Variants in BLTP1 observed in about 807,000 individuals in gnomAD.
The protein encoded by BLTP1 is bridge-like lipid transfer protein family member 1.
the BLTP1 span, among the ~76,000 whole-genome samples, chr4:122,173,459 C>G: frequency 6.6e-6 from 1 of 152,144 alleles, no homozygotes; most frequent in Non-Finnish European, 1.5e-5. Flanking sequence ...ACATCATGGC[C>G]TCATTTAATC....
At chr4:122,195,949 CATT>C in the BLTP1 span, among the ~76,000 whole-genome samples, 70 of 152,176 alleles carry the variant, frequency 4.6e-4, no homozygotes, top group Non-Finnish European at 9.0e-4. Flanking sequence ...GTATGAGTAA[CATT>C]ATACAATACT....
chr4:122,166,748 C>A, the BLTP1 span, among the ~76,000 whole-genome samples: 9 of 152,118 alleles, frequency 5.9e-5, no homozygotes, highest in South Asian at 1.3e-3. Flanking sequence ...CTTTTATTTC[C>A]TTGAGCAGTG....
chr4:122,244,553 ATAT>A, the BLTP1 span: 8 of 391,716 alleles, frequency 2.0e-5, no homozygotes, highest in African/African-American at 4.4e-5. Context: ...ATAATATTAC[ATAT>A]TATTATATAA....
the BLTP1 span, chr4:122,192,175 T>A: frequency 6.3e-7 from 1 of 1,578,374 alleles, no homozygotes. Flanking sequence ...CTAAGGAAAC[T>A]TTTTAATGGC....
the BLTP1 span, among the ~76,000 whole-genome samples, chr4:122,193,889 G>C: frequency 6.6e-6 from 1 of 151,854 alleles, no homozygotes; most frequent in Admixed American, 6.6e-5. Context: ...TTGAGACGGA[G>C]TCTCGCTCTG....
the BLTP1 span, chr4:122,362,662 C>A: frequency 6.1e-6 from 1 of 162,638 alleles, no homozygotes; most frequent in African/African-American, 2.4e-5. Context: ...TATATAAATA[C>A]CTGTTTGTAT....
At chr4:122,224,569 C>G in the BLTP1 span, 1 of 1,613,658 alleles carries the variant, frequency 6.2e-7, no homozygotes, top group African/African-American at 1.3e-5. Context: ...TGAGAGCACA[C>G]GCTATGTTCT....
At chr4:122,244,128 T>C in the BLTP1 span, 9,498 of 1,289,116 alleles carry the variant, frequency 7.4e-3, 66 homozygotes, top group South Asian at 0.029. Flanking sequence ...TTGTTGATAG[T>C]TATAAGTATA....
At chr4:122,238,186 AT>A in the BLTP1 span, 3 of 1,614,056 alleles carry the variant, frequency 1.9e-6, no homozygotes, top group Non-Finnish European at 2.5e-6. Context: ...TTCAAGTACC[AT>A]TACGATCTCA....
chr4:122,328,714 G>C, the BLTP1 span: 4 of 983,654 alleles, frequency 4.1e-6, no homozygotes, highest in Non-Finnish European at 4.8e-6. Context: ...AATAGTGAAG[G>C]CTAGTTAAGA....
the BLTP1 span, chr4:122,362,219 A>G: frequency 1.2e-6 from 2 of 1,613,190 alleles, no homozygotes; most frequent in South Asian, 2.2e-5. Context: ...GAAAAGGAAA[A>G]GAAAGGCAAA....
chr4:122,310,153 T>C, the BLTP1 span, among the ~76,000 whole-genome samples: 1 of 152,088 alleles, frequency 6.6e-6, no homozygotes, highest in Non-Finnish European at 1.5e-5. Context: ...TAGAAAGCGG[T>C]AGCCCATTGT....
chr4:122,191,461 G>C, the BLTP1 span, among the ~76,000 whole-genome samples: 2 of 152,084 alleles, frequency 1.3e-5, no homozygotes, highest in African/African-American at 4.8e-5. Flanking sequence ...GTTTTTAAAT[G>C]TTTAATAATG....
At chr4:122,210,397 C>T in the BLTP1 span, among the ~76,000 whole-genome samples, 2 of 152,018 alleles carry the variant, frequency 1.3e-5, no homozygotes, top group South Asian at 2.1e-4. Context: ...TGCCTTATTA[C>T]CTAGGTCCAA....
chr4:122,282,444 C>G, the BLTP1 span, among the ~76,000 whole-genome samples: 1 of 152,050 alleles, frequency 6.6e-6, no homozygotes, highest in Non-Finnish European at 1.5e-5. Context: ...GACTTCAAGA[C>G]CAGTCTGGAA....
At chr4:122,230,143 T>G in the BLTP1 span, 4 of 1,614,168 alleles carry the variant, frequency 2.5e-6, no homozygotes, top group Non-Finnish European at 1.7e-6. Flanking sequence ...TTGCTTTAGC[T>G]GCTGACCATC....
At chr4:122,285,157 G>A in the BLTP1 span, among the ~76,000 whole-genome samples, 181 of 152,202 alleles carry the variant, frequency 1.2e-3, no homozygotes, top group African/African-American at 3.9e-3. Context: ...ACAGCAAGTC[G>A]AAAGCCAGAT....
At chr4:122,179,274 T>C in the BLTP1 span, among the ~76,000 whole-genome samples, 1 of 151,906 alleles carries the variant, frequency 6.6e-6, no homozygotes, top group African/African-American at 2.4e-5. Flanking sequence ...CTCTAAAAAA[T>C]AAATAAATAA....
the BLTP1 span, chr4:122,240,109 T>C: frequency 1.2e-6 from 2 of 1,614,168 alleles, no homozygotes; most frequent in Non-Finnish European, 1.7e-6. Context: ...GATGATGTTA[T>C]AGAACATCTA....
Sources: allele counts gnomAD v4.1 joint callset (sites outside exome capture counted in the v4.1 genomes callset), GRCh38; gene constraint gnomAD v4.1.1; transcripts MANE v1.5; gene names NCBI Gene and HGNC (gene_info 2026-07-23, HGNC 2026-07-21).